Variants in PCDHGA5 observed in about 807,000 individuals in gnomAD.
PCDHGA5 encodes protocadherin gamma-A5.
PCDHGA5 carries 36 observed loss-of-function variants against 56.7 expected under a neutral mutation model. The ratio of observed to expected loss-of-function variants is 0.64; its 90% CI spans 0.49 to 0.84. PCDHGA5 has a LOEUF of 0.84. PCDHGA5 is among the 40% of genes least tolerant of loss of function. The pLI, the probability that PCDHGA5 is intolerant of heterozygous loss-of-function variation, is 0.00. For missense variants in PCDHGA5, 1,305 were observed against 1,201.5 expected (o/e 1.09, Z -1.27); for synonymous variants, 563 against 520.2 (o/e 1.08, Z -1.12).
At position 141,476,717 on chromosome 5, in the gene PCDHGA5, G is replaced by A. The variant is rs2099397053; in HGVS notation, c.2422-18090G>A. 6.2e-7 allele frequency: 1 copy of A among 1,614,048 alleles called. No homozygotes were observed. The stretch of plus-strand genomic sequence containing the variant: ...GTACGCGGAGCTGGTGTTGGAGCGC[G>A]CCCTGGACCGAGAACGGGAGCCTAG... On this transcript the variant is annotated intron_variant, in intron 1 of 3. Transcript: ENST00000518069. This position sits in a 1 kb window ranked among gnomAD's most constrained non-coding sequence, Gnocchi z 7.6.
At chr5:141,482,841 G>A (rs1401298303) in intron 1 of PCDHGA5, among the ~76,000 whole-genome samples, 1 of 139,444 alleles carries the variant, frequency 7.2e-6, no homozygotes, top group Non-Finnish European at 1.5e-5. Flanking sequence ...GGAGGCCAAG[G>A]TGGGCAGATC....
Position 141,365,052 on chromosome 5 carries a change from T to C in PCDHGA5, c.722T>C (p.Leu241Pro), listed in dbSNP as rs1179156267. Residue 241 changes from leucine to proline, a missense_variant, in exon 1 of 4, where the codon CTG becomes CCG. Physicochemically the swap from Leu to Pro is moderately conservative, Grantham distance 98. Coordinates refer to ENST00000518069, the MANE Select transcript of PCDHGA5 (RefSeq NM_018918.3). ...CTCGACGCAAACGACAATGCGCCCC[T>C]GTTCACCCCATCCGAGTACAGCGTG... ...TVLDANDNAP[L>P]FTPSEYSVSV... The C allele has an allele frequency of 8.1e-6, 13 of 1,613,872 alleles. No homozygotes were observed. The highest frequency in any genetic ancestry group is 1.6e-4 in the Middle Eastern group (1 of 6,062).
Position 141,378,904 on chromosome 5 carries a change from T to C in PCDHGA5, c.2421+12153T>C, listed in dbSNP as rs947498432. 2.0e-5 allele frequency: 3 copies of C among 152,224 alleles called. 1 individual carries two copies. Among genetic ancestry groups the C allele is most frequent in the Non-Finnish European group, 4.4e-5 (3 of 68,030 alleles). 9.4% of individuals were successfully genotyped at this position (152,224 alleles called of 1,614,324 possible). A position where few individuals can be genotyped will look rare whatever the true frequency, so the allele number is the denominator to read the frequency against. ...ACTAAGGAGATAGGAGATTCTGTTA[T>C]CGACAGTCTTCAAAAGTAAGTTGAT... On this transcript the variant is annotated intron_variant, in intron 1 of 3. Transcript: ENST00000518069.
intron 1 of PCDHGA5, chr5:141,415,455 G>T: frequency 6.2e-7 from 1 of 1,614,186 alleles, no homozygotes; most frequent in Non-Finnish European, 8.5e-7. Context: ...ATTCCCACGA[G>T]GTCTCTCTCA....
intron 1 of PCDHGA5, among the ~76,000 whole-genome samples, chr5:141,470,877 T>C (rs1438812002): frequency 1.3e-5 from 2 of 151,808 alleles, no homozygotes; most frequent in Non-Finnish European, 2.9e-5. Context: ...TTTGTTTTTT[T>C]GTTTTTGTTT....
rs775290219 is a variant in PCDHGA5 at position 141,423,576 on chromosome 5, G to A, written c.2421+56825G>A. On this transcript the variant is annotated intron_variant, in intron 1 of 3. Transcript: ENST00000518069. ...ACTATGGGGACACGCTCATCAGCCAGGAGAGCTGTGAGAAAAGCGAGCCAC... is the reference window on the plus strand; with the variant it reads ...ACTATGGGGACACGCTCATCAGCCAAGAGAGCTGTGAGAAAAGCGAGCCAC... The A allele has an allele frequency of 1.9e-6, 3 of 1,613,588 alleles. No homozygotes were observed. In the Admixed American group the frequency reaches 5.0e-5, roughly 27 times the overall value.
chr5:141,412,963 G>T, intron 1 of PCDHGA5: 1 of 518,228 alleles, frequency 1.9e-6, no homozygotes, highest in East Asian at 3.1e-5. Context: ...TCACCTACTA[G>T]GAGAGAAAAC....
At chr5:141,419,279 G>C in intron 1 of PCDHGA5, 1 of 1,614,042 alleles carries the variant, frequency 6.2e-7, no homozygotes, top group South Asian at 1.1e-5. Flanking sequence ...CATAGCGCAA[G>C]TCAGTGCCTC....
At position 141,485,120 on chromosome 5, in the gene PCDHGA5, G is replaced by T; in HGVS notation, c.2422-9687G>T. The T allele has an allele frequency of 7.4e-7, 1 of 1,348,050 alleles. No individual in the cohort carries two copies. Among genetic ancestry groups the T allele is most frequent in the Non-Finnish European group, 1.0e-6 (1 of 952,710 alleles). 83.5% of individuals were successfully genotyped at this position (1,348,050 alleles called of 1,614,324 possible). On this transcript the variant is annotated intron_variant, in intron 1 of 3. Transcript: ENST00000518069. The surrounding 1 kb of genome is among the most constrained non-coding windows in gnomAD (Gnocchi z 5.7). ...TCCAGCTGCTGTGGCTGTTTGGGGC[G>T]GGTCGGCTTCATCCGCGTCTCAGGA...
intron 1 of PCDHGA5, among the ~76,000 whole-genome samples, chr5:141,466,008 G>C (rs1298363274): frequency 6.6e-6 from 1 of 151,970 alleles, no homozygotes; most frequent in Non-Finnish European, 1.5e-5. Flanking sequence ...TGTAGTCCCA[G>C]CTACTCGGGA....
At chr5:141,502,864 G>GTTTTTTTT in intron 2 of PCDHGA5, among the ~76,000 whole-genome samples, 3 of 61,566 alleles carry the variant, frequency 4.9e-5, no homozygotes, top group African/African-American at 2.4e-4. Context: ...CTGACTCTCT[G>GTTTTTTTT]TCTTTTTTTT....
Position 141,423,542 on chromosome 5 carries a change from C to T in PCDHGA5, c.2421+56791C>T, listed in dbSNP as rs755766737. 4.3e-6 allele frequency: 7 copies of T among 1,613,616 alleles called. No individual in the cohort carries two copies. The African/African-American group carries it at 6.7e-5, about 15-fold the overall frequency. The stretch of plus-strand genomic sequence containing the variant: ...TCGCAGAAGAGTCACCTGATTTTCC[C>T]CCAGCCCAACTATGGGGACACGCTC... On this transcript the variant is annotated intron_variant, in intron 1 of 3. Transcript: ENST00000518069.
In PCDHGA5 at chr5:141,366,298, C is replaced by A; in HGVS notation, c.1968C>A (p.Ala656=). 1 of 1,613,766 alleles carries A rather than the reference C, an allele frequency of 6.2e-7. No individual in the cohort carries two copies. The highest frequency in any genetic ancestry group is 8.5e-7 in the Non-Finnish European group (1 of 1,179,996). ...ACCATGGCCAGCCCCCTCTGTCAGC[C>A]ACCTTCACGGTCACCGTTGCCGTGG... ...VEDHGQPPLS[A]TFTVTVAVAD... Residue 656 remains alanine, a synonymous_variant, in exon 1 of 4, where the codon GCC becomes GCA. Coordinates refer to ENST00000518069, the MANE Select transcript of PCDHGA5 (RefSeq NM_018918.3).
At chr5:141,504,961 G>A (rs995382728) in intron 2 of PCDHGA5, among the ~76,000 whole-genome samples, 2 of 151,928 alleles carry the variant, frequency 1.3e-5, no homozygotes, top group Non-Finnish European at 2.9e-5. Flanking sequence ...TCAATGCATT[G>A]GACCAGCCTG....
chr5:141,433,401 A>ATCTATCTATCTATCTC (rs1444244130), intron 1 of PCDHGA5, among the ~76,000 whole-genome samples: 1 of 150,482 alleles, frequency 6.6e-6, no homozygotes, highest in African/African-American at 2.4e-5. Context: ...CTATCTATCT[A>ATCTATCTATCTATCTC]TCTATTACTT....
At chr5:141,497,307 C>T (rs1295364802) in intron 2 of PCDHGA5, among the ~76,000 whole-genome samples, 1 of 152,096 alleles carries the variant, frequency 6.6e-6, no homozygotes, top group Non-Finnish European at 1.5e-5. Flanking sequence ...CCAGGCCATA[C>T]ACTGGCTTTG....
chr5:141,365,823 G>A lies in PCDHGA5; in HGVS notation c.1493G>A (p.Gly498Glu), dbSNP rs778220021. The part of the protein sequence containing the change: ...TYSLAEDTFQ[G>E]APLSSYVSIN... The stretch of plus-strand genomic sequence containing the variant: ...TCCCTGGCTGAAGACACATTTCAGG[G>A]GGCGCCCTTGTCCTCCTATGTATCC... The change falls in exon 1 of 4, where the codon GGG (glycine) becomes GAG (glutamate). Residue 498 changes from glycine to glutamate, a missense_variant. Physicochemically the swap from Gly to Glu is moderately conservative, Grantham distance 98. Coordinates refer to ENST00000518069, the MANE Select transcript of PCDHGA5 (RefSeq NM_018918.3). 8.7e-6 allele frequency: 14 copies of A among 1,613,794 alleles called. No individual in the cohort carries two copies. The South Asian group carries it at 1.2e-4, about 14-fold the overall frequency.
rs770468191 is a variant in PCDHGA5, at chr5:141,478,296, A to G, written c.2422-16511A>G. On this transcript the variant is annotated intron_variant, in intron 1 of 3. Coordinates refer to ENST00000518069, the MANE Select transcript of PCDHGA5 (RefSeq NM_018918.3). ...AAGTGGAAGCAGTCTAGAGACCTAT[A>G]CCGAGCCCCGGTGAGCTCACTGTAC... is the stretch of plus-strand genomic sequence containing the variant. The G allele has an allele frequency of 9.3e-6, 15 of 1,613,962 alleles. No individual in the cohort carries two copies. Among genetic ancestry groups the G allele is most frequent in the African/African-American group, 6.7e-5 (5 of 74,930 alleles).
In PCDHGA5 at chr5:141,486,565, T is replaced by C; in HGVS notation, c.2422-8242T>C. ...TTCAGAGGTCACATGAGGTGTTTGT[T>C]CCTGAGAACAATCGCCCAGGGGACC... On this transcript the variant is annotated intron_variant, in intron 1 of 3. Coordinates refer to ENST00000518069, the MANE Select transcript of PCDHGA5 (RefSeq NM_018918.3). The surrounding 1 kb of genome is among the most constrained non-coding windows in gnomAD (Gnocchi z 5.0). 6.2e-7 allele frequency: 1 copy of C among 1,614,024 alleles called. No homozygotes were observed. Among genetic ancestry groups the C allele is most frequent in the Non-Finnish European group, 8.5e-7 (1 of 1,180,032 alleles).
Sources: gnomAD v4.1 joint callset for allele counts (sites outside exome capture counted in the v4.1 genomes callset) on GRCh38, gnomAD v4.1.1 for gene constraint, Gnocchi (gnomAD v3.1) non-coding constraint, MANE v1.5 for transcripts, NCBI Gene and HGNC (gene_info 2026-07-23, HGNC 2026-07-21) for gene names.